The following EMC1 variants were observed in gnomAD, a reference collection of about 807,000 sequenced individuals.
EMC1 encodes KIAA0090.
A neutral mutation model predicts 128.8 loss-of-function variants in EMC1; 103 were observed. The ratio of observed to expected loss-of-function variants is 0.80; its 90% CI spans 0.68 to 0.94. The LOEUF is 0.94. EMC1 is among the 40% of genes least tolerant of loss of function. The probability of loss-of-function intolerance (pLI) is 0.00; values close to 1 mark genes in which losing one functional copy is unlikely to be tolerated. For missense variants in EMC1, 1,083 were observed against 1,250.6 expected (o/e 0.87, Z 2.02); for synonymous variants, 442 against 490.4 (o/e 0.90, Z 1.30).
rs972558686 is a variant in EMC1 at position 19,245,094 on chromosome 1, G to GA, written c.96-65dup. On this transcript the variant is annotated intron_variant, in intron 1 of 22. Transcript: ENST00000477853. ...AATCACCATTCCACAAAATGCTCCG[G>GA]AAAAAAAATCACAGGGCTATCACCA... The GA allele has an allele frequency of 1.7e-4, 264 of 1,575,020 alleles. No individual in the cohort carries two copies. The African/African-American group carries it at 2.3e-3, about 13-fold the overall frequency.
At chr1:19,238,535 T>G (rs999122978) in intron 10 of EMC1, among the ~76,000 whole-genome samples, 2 of 152,144 alleles carry the variant, frequency 1.3e-5, no homozygotes, top group Non-Finnish European at 2.9e-5. Flanking sequence ...TACTCAACTG[T>G]GCCAGCCAGG....
chr1:19,243,566 C>T (rs773797133), intron 4 of EMC1, 48 bp downstream of exon 4: 31 of 1,519,454 alleles, frequency 2.0e-5, no homozygotes, highest in African/African-American at 5.5e-5. Flanking sequence ...ATCTGTGTTC[C>T]GGTGAAGCCT....
intron 1 of EMC1, among the ~76,000 whole-genome samples, chr1:19,247,676 C>T (rs1047109001): frequency 6.6e-6 from 1 of 152,258 alleles, no homozygotes; most frequent in East Asian, 1.9e-4. Flanking sequence ...TTAGAGTACT[C>T]CTTCTACTTA....
At position 19,240,406 on chromosome 1, in the gene EMC1, G is replaced by C; in HGVS notation, c.677C>G (p.Ala226Gly). 1 of 1,614,138 alleles carries C rather than the reference G, an allele frequency of 6.2e-7. No homozygotes were observed. Among genetic ancestry groups the C allele is most frequent in the Non-Finnish European group, 8.5e-7 (1 of 1,180,016 alleles). Residue 226 changes from alanine to glycine, a missense_variant, in exon 7 of 23, where the codon GCC becomes GGC. Ala to Gly is a moderately conservative substitution (Grantham distance 60). Transcript: ENST00000477853. The part of the protein sequence containing the change: ...STPWLQHLSG[A>G]CGVVDEAVLV... ...GACAGCCTCATCCACCACACCACAG[G>C]CTCCAGACAGGTGCTGCAGCCACGG...
At chr1:19,241,823 A>G (rs2151960486) in intron 5 of EMC1, among the ~76,000 whole-genome samples, 1 of 152,230 alleles carries the variant, frequency 6.6e-6, no homozygotes, top group South Asian at 2.1e-4. Context: ...TGAAGTTTTG[A>G]GTCCTGCTCT....
chr1:19,223,837 C>T (rs1360427015), intron 18 of EMC1, among the ~76,000 whole-genome samples: 2 of 152,030 alleles, frequency 1.3e-5, no homozygotes, highest in Non-Finnish European at 2.9e-5. Context: ...CAGAAAAGTC[C>T]CAAAGTAGTT....
intron 1 of EMC1, among the ~76,000 whole-genome samples, chr1:19,245,381 C>T (rs12091991): frequency 0.3 from 45,249 of 151,476 alleles, 7,601 homozygotes; most frequent in East Asian, 0.6. Flanking sequence ...GCGGAGGTTG[C>T]AGTGAGCTGA....
Position 19,240,233 on chromosome 1 carries a change from T to TG in EMC1, c.786+63dup. ...GGAGAAAGACCCTCCAGGGGAATCATGCCAAACTTTCTACTCCCCGCAGGA... is the reference window on the plus strand; with the variant it reads ...GGAGAAAGACCCTCCAGGGGAATCATGGCCAAACTTTCTACTCCCCGCAGGA... On this transcript the variant is annotated intron_variant, in intron 7 of 22. Transcript: ENST00000477853. 13 of 1,598,194 alleles carry TG rather than the reference T, an allele frequency of 8.1e-6. No homozygotes were observed. The South Asian group carries it at 1.3e-4, about 16-fold the overall frequency.
chr1:19,245,017 C>A lies in EMC1; in HGVS notation c.109G>T (p.Val37Phe), dbSNP rs1305019836. The change falls in exon 2 of 23, where the codon GTT becomes TTT. Residue 37 changes from valine to phenylalanine, a missense_variant. Transcript: ENST00000477853. The part of the protein sequence containing the change: ...VGKFDWRQQY[V>F]GKVKFASLEF... Reference sequence around the variant, plus strand: ...AAGGAGGCAAACTTGACCTTCCCAACATATTGCTGTCTCCTGAGAAAAAAA... The same window carrying A: ...AAGGAGGCAAACTTGACCTTCCCAAAATATTGCTGTCTCCTGAGAAAAAAA... 25 of 1,613,928 alleles carry A rather than the reference C, an allele frequency of 1.5e-5. No homozygotes were observed. Among genetic ancestry groups the A allele is most frequent in the Non-Finnish European group, 2.1e-5 (25 of 1,179,858 alleles).
intron 10 of EMC1, among the ~76,000 whole-genome samples, chr1:19,238,482 C>A (rs1282213500): frequency 6.6e-6 from 1 of 152,148 alleles, no homozygotes; most frequent in African/African-American, 2.4e-5. Context: ...ATGCCTCCAG[C>A]CAGGGGCTCA....
intron 18 of EMC1, 150 bp from the exon 19 acceptor site, chr1:19,223,719 C>G: frequency 1.5e-6 from 1 of 676,096 alleles, no homozygotes; most frequent in South Asian, 2.0e-5. Context: ...TTTCTCATCA[C>G]TGCACTTGTT....
intron 20 of EMC1, among the ~76,000 whole-genome samples, chr1:19,222,187 C>T (rs1489183605): frequency 3.3e-5 from 5 of 151,952 alleles, no homozygotes; most frequent in Non-Finnish European, 7.4e-5. Context: ...CAGCCAGGCA[C>T]GATGGCTCAC....
At chr1:19,247,031 C>G (rs955297668) in intron 1 of EMC1, among the ~76,000 whole-genome samples, 2 of 152,184 alleles carry the variant, frequency 1.3e-5, no homozygotes, top group African/African-American at 4.8e-5. Flanking sequence ...AGCAAGAAGG[C>G]AGCCTTTTGC....
chr1:19,237,015 G>A (rs372712644), intron 12 of EMC1, 127 bp downstream of exon 12: 23 of 434,948 alleles, frequency 5.3e-5, no homozygotes, highest in East Asian at 1.5e-4. Flanking sequence ...GGCTATGAAC[G>A]AAACACTCAG....
In EMC1 at chr1:19,239,854, A is replaced by G; in HGVS notation, c.918T>C (p.His306=). ...TTTTAAGCAAACTCAGCGTTCCATA[A>G]TGGTACTGCAGCAGAGCATAGTGGC... ...SPSHYALLQY[H]YGTLSLLKNF... Residue 306 remains histidine, a synonymous_variant, in exon 8 of 23, where the codon CAT becomes CAC. Transcript: ENST00000477853. 1 of 1,613,946 alleles carries G rather than the reference A, an allele frequency of 6.2e-7. No individual in the cohort carries two copies. The highest frequency in any genetic ancestry group is 8.5e-7 in the Non-Finnish European group (1 of 1,179,950).
Position 19,231,302 on chromosome 1 carries a change from C to T in EMC1, c.1903G>A (p.Asp635Asn). Residue 635 changes from aspartate (D) to asparagine (N), a missense_variant, in exon 16 of 23, where the codon GAC (aspartate) becomes AAC (asparagine). Physicochemically the swap from Asp to Asn is conservative, Grantham distance 23. Transcript: ENST00000477853. ...QSLLLPVMDQ[D>N]YAKVLLLIDD... is the part of the protein sequence containing the mutation. Reference sequence around the variant, plus strand: ...ATCAACAGCAACACCTTGGCGTAGTCTTGATCCATGACTGGGAGAAGCAAG... The same window carrying T: ...ATCAACAGCAACACCTTGGCGTAGTTTTGATCCATGACTGGGAGAAGCAAG... 1 of 1,610,482 alleles carries T rather than the reference C, an allele frequency of 6.2e-7. No individual in the cohort carries two copies. The highest frequency in any genetic ancestry group is 8.5e-7 in the Non-Finnish European group (1 of 1,179,230).
chr1:19,235,316 C>A, intron 12 of EMC1, 64 bp from the exon 13 acceptor site: 1 of 1,549,040 alleles, frequency 6.5e-7, no homozygotes, highest in Non-Finnish European at 8.7e-7. Flanking sequence ...GCCTGTAATC[C>A]CAGCACTTTG....
chr1:19,230,724 C>T, intron 17 of EMC1, 120 bp downstream of exon 17: 2 of 1,287,696 alleles, frequency 1.6e-6, no homozygotes, highest in Non-Finnish European at 2.2e-6. Context: ...TATCAGACAT[C>T]AGGATTATGC....
chr1:19,240,050 CACA>C, intron 7 of EMC1, 65 bp from the exon 8 acceptor site: 2 of 1,498,820 alleles, frequency 1.3e-6, no homozygotes, highest in Non-Finnish European at 1.8e-6. Context: ...ATCCCAGGCT[CACA>C]ACCTCTGCCC....
Sources: allele counts gnomAD v4.1 joint callset (sites outside exome capture counted in the v4.1 genomes callset), GRCh38; gene constraint gnomAD v4.1.1; transcripts MANE v1.5; gene names NCBI Gene and HGNC (gene_info 2026-07-23, HGNC 2026-07-21).